Variants in PTGER3 observed in about 807,000 individuals in gnomAD.
PTGER3 encodes prostaglandin E2 receptor EP3 subtype.
Under a neutral mutation model 34.7 loss-of-function variants are expected in PTGER3, and 22 were observed. The observed-to-expected ratio is 0.63, with a 90% CI of 0.45 to 0.91. The LOEUF (loss-of-function observed/expected upper bound fraction) is 0.91, where lower values mean the gene tolerates loss of function less well. Ranked by LOEUF, PTGER3 falls within the 40% of genes least tolerant of loss-of-function variation. The pLI is 0.00. For synonymous variants in PTGER3, 241 were observed against 230.1 expected, an observed-to-expected ratio of 1.05 and a Z score of -0.43; for missense variants, 468 against 519.4, an observed-to-expected ratio of 0.90 and a Z score of 0.96.
Position 70,981,365 on chromosome 1 carries a change from T to TTC in PTGER3, c.1078-6979_1078-6978dup, listed in dbSNP as rs769112288. Among the ~76,000 whole-genome samples the TTC allele has an allele frequency of 2.6e-5, 3 of 117,522 alleles. No homozygotes were observed. The South Asian group carries it at 9.7e-4, about 38-fold the overall frequency. 77.1% of individuals were successfully genotyped at this position (117,522 alleles called of 152,430 possible). On this transcript the variant is annotated intron_variant, in intron 2 of 3. Coordinates refer to ENST00000306666, the MANE Select transcript of PTGER3 (RefSeq NM_198719.2). ...TTTCTTTCTTTCTTTCTTTCTTTCT[T>TTC]TCTTTCTTTCTTTCTTTCTTTCTTT...
chr1:71,009,581 A>G, intron 2 of PTGER3: 1 of 985,092 alleles, frequency 1.0e-6, no homozygotes, highest in Non-Finnish European at 1.2e-6. Flanking sequence ...TAGTATATAA[A>G]TTCATTGTTT....
intron 2 of PTGER3, chr1:71,008,534 G>T: frequency 1.0e-6 from 1 of 958,296 alleles, no homozygotes; most frequent in Non-Finnish European, 1.2e-6. Context: ...ACTGATGTCA[G>T]CTTCTTAACA....
chr1:70,908,238 A>G (rs17541722), intron 4 of PTGER3, among the ~76,000 whole-genome samples: 21,874 of 152,202 alleles, frequency 0.14, 1,748 homozygotes, highest in Middle Eastern at 0.27. Context: ...GTATCATGAC[A>G]ATAAGCATCT....
rs1046789004 is a variant in PTGER3, at chr1:71,010,708, C to A, written c.1077+1597G>T. On this transcript the variant is annotated intron_variant, in intron 2 of 3. Transcript: ENST00000306666. ...AGATTTTAGTATAGTCTATTTATCA[C>A]CTTTTCCAAAATTTAGATTAGTAGA... The A allele has an allele frequency of 2.2e-5, 22 of 984,636 alleles. No homozygotes were observed. In the African/African-American group the frequency reaches 3.5e-4, roughly 16 times the overall value. 61.0% of individuals were successfully genotyped at this position (984,636 alleles called of 1,614,324 possible).
At chr1:71,014,554 G>A (rs1281941672) in intron 1 of PTGER3, among the ~76,000 whole-genome samples, 1 of 152,096 alleles carries the variant, frequency 6.6e-6, no homozygotes, top group African/African-American at 2.4e-5. Flanking sequence ...AGGTAATTAG[G>A]TTTAGATGAG....
At chr1:70,878,385 A>T (rs927913524) in intron 4 of PTGER3, among the ~76,000 whole-genome samples, 1 of 151,772 alleles carries the variant, frequency 6.6e-6, no homozygotes, top group Non-Finnish European at 1.5e-5. Context: ...AGTCTAGCTC[A>T]TGGTCTGTCT....
chr1:71,014,310 CTCACCCTGGA>C (rs1657699824), intron 1 of PTGER3, among the ~76,000 whole-genome samples: 1 of 152,178 alleles, frequency 6.6e-6, no homozygotes, highest in South Asian at 2.1e-4. Flanking sequence ...CTTTGATACA[CTCACCCTGGA>C]TCAACATTTC....
chr1:70,909,839 G>A (rs967473222), intron 4 of PTGER3, among the ~76,000 whole-genome samples: 2 of 152,218 alleles, frequency 1.3e-5, no homozygotes, highest in Non-Finnish European at 2.9e-5. Flanking sequence ...CCTATAAAGA[G>A]TATTAGCTTT....
exon 5 of PTGER3, chr1:70,852,714 G>A: frequency 1.7e-6 from 2 of 1,158,256 alleles, no homozygotes; most frequent in East Asian, 2.3e-5. Context: ...ATATTTGGGG[G>A]TGGGCTTGGG....
chr1:70,951,677 A>T (rs919639917), downstream of PTGER3, among the ~76,000 whole-genome samples: 1 of 152,206 alleles, frequency 6.6e-6, no homozygotes, highest in Non-Finnish European at 1.5e-5. Context: ...CATATTCCTC[A>T]CAGCAATTCC....
Position 70,923,527 on chromosome 1 carries a change from C to T in PTGER3, c.*23+30236G>A, listed in dbSNP as rs184809067. On this transcript the variant is annotated intron_variant, in intron 4 of 4. Transcript: ENST00000370931. The stretch of plus-strand genomic sequence containing the variant: ...TTTCTGATAACTTTGGAGATTATTA[C>T]GTTAGAATAGAGAAAAATCTTTGAG... 5.9e-5 allele frequency among the ~76,000 whole-genome samples: 9 copies of T among 152,150 alleles called. No individual in the cohort carries two copies. The East Asian group carries it at 9.6e-4, about 16-fold the overall frequency.
chr1:71,046,008 A>C (rs1002027007), intron 1 of PTGER3, among the ~76,000 whole-genome samples: 6 of 146,082 alleles, frequency 4.1e-5, no homozygotes, highest in African/African-American at 1.5e-4. Context: ...AAAAAAAAAA[A>C]CCCGGCCGGG....
rs1645715180 is a variant in PTGER3 at position 70,852,966 on chromosome 1, G to A, written c.*24-107C>T. On this transcript the variant is annotated intron_variant, in intron 4 of 4. Coordinates refer to the PTGER3 transcript ENST00000370931. Reference sequence around the variant, plus strand: ...TCTCATAAATTTCAGATTATGAACAGGAATGGTAAATCACTTACAGCAGTA... The same window carrying A: ...TCTCATAAATTTCAGATTATGAACAAGAATGGTAAATCACTTACAGCAGTA... 2.4e-6 allele frequency: 3 copies of A among 1,273,518 alleles called. No homozygotes were observed. In the Admixed American group the frequency reaches 5.3e-5, roughly 22 times the overall value. The allele number at this position is 1,273,518 out of a possible 1,614,324, so 78.9% of individuals were successfully genotyped here. A position where few individuals can be genotyped will look rare whatever the true frequency, so the allele number is the denominator to read the frequency against.
downstream of PTGER3, among the ~76,000 whole-genome samples, chr1:70,966,820 G>T (rs911162286): frequency 6.6e-6 from 1 of 151,804 alleles, no homozygotes. Context: ...TGGTGTATAT[G>T]AACCACATTT....
chr1:71,028,004 G>A, intron 1 of PTGER3, among the ~76,000 whole-genome samples: 1 of 151,974 alleles, frequency 6.6e-6, no homozygotes, highest in Non-Finnish European at 1.5e-5. Context: ...TCTTTTTGAG[G>A]GTTTTCCACC....
chr1:71,043,320 A>G (rs1035194196), intron 1 of PTGER3, among the ~76,000 whole-genome samples: 1 of 152,312 alleles, frequency 6.6e-6, no homozygotes, highest in African/African-American at 2.4e-5. Context: ...GTACTCTCTT[A>G]ATTTCACATT....
intron 2 of PTGER3, chr1:71,008,074 A>AAATT: frequency 1.0e-6 from 1 of 982,998 alleles, no homozygotes; most frequent in Non-Finnish European, 1.2e-6. Flanking sequence ...CTCTCCTCTT[A>AAATT]AAAACAATCC....
intron 4 of PTGER3, among the ~76,000 whole-genome samples, chr1:70,889,439 T>G (rs930533088): frequency 1.8e-4 from 27 of 150,318 alleles, no homozygotes; most frequent in African/African-American, 6.6e-4. Context: ...AAAAAAAGAT[T>G]GTTCTCTGTT....
At chr1:70,939,258 C>T (rs942923183) in intron 4 of PTGER3, among the ~76,000 whole-genome samples, 7 of 152,214 alleles carry the variant, frequency 4.6e-5, no homozygotes, top group African/African-American at 9.6e-5. Context: ...GAGGTAAGTT[C>T]CCATGGTCTT....
Sources: allele counts gnomAD v4.1 joint callset (sites outside exome capture counted in the v4.1 genomes callset), GRCh38; gene constraint gnomAD v4.1.1; transcripts MANE v1.5; gene names NCBI Gene and HGNC (gene_info 2026-07-23, HGNC 2026-07-21).